Variants in L3MBTL4 observed in about 807,000 individuals in gnomAD.
L3MBTL4 encodes the protein lethal(3)malignant brain tumor-like protein 4.
A neutral mutation model predicts 84.5 loss-of-function variants in L3MBTL4; 70 were observed. The ratio of observed to expected loss-of-function variants is 0.83; its 90% CI spans 0.68 to 1.01. The LOEUF (loss-of-function observed/expected upper bound fraction) is 1.01. L3MBTL4 is among the 50% of genes least tolerant of loss of function. The pLI, the probability that L3MBTL4 is intolerant of heterozygous loss-of-function variation, is 0.00. For synonymous variants in L3MBTL4, 274 were observed against 259.8 expected (o/e 1.05, Z -0.52); for missense variants, 715 against 754.8 (o/e 0.95, Z 0.62).
intron 10 of L3MBTL4, among the ~76,000 whole-genome samples, chr18:6,228,556 T>C (rs573469471): frequency 2.6e-5 from 4 of 152,042 alleles, no homozygotes; most frequent in African/African-American, 9.6e-5. Context: ...ATAAGAAAAA[T>C]AATTCTTAAA....
intron 16 of L3MBTL4, among the ~76,000 whole-genome samples, chr18:6,065,034 A>AC (rs1206089277): frequency 1.3e-5 from 2 of 151,602 alleles, no homozygotes; most frequent in African/African-American, 4.8e-5. Flanking sequence ...TTCTATGTGT[A>AC]TTTTTTTGAG....
chr18:6,315,505 G>A (rs1360048199), intron 1 of L3MBTL4, among the ~76,000 whole-genome samples: 2 of 152,286 alleles, frequency 1.3e-5, no homozygotes, highest in East Asian at 3.9e-4. Context: ...GACAATATGT[G>A]TACCACTGTC....
chr18:6,203,105 G>C (rs1599133100), intron 12 of L3MBTL4, among the ~76,000 whole-genome samples: 1 of 152,280 alleles, frequency 6.6e-6, no homozygotes, highest in East Asian at 1.9e-4. Context: ...AAAGGCCCAG[G>C]ACCAATGCCT....
At chr18:6,137,453 C>A (rs1220042780) in intron 14 of L3MBTL4, among the ~76,000 whole-genome samples, 2 of 152,136 alleles carry the variant, frequency 1.3e-5, no homozygotes, top group African/African-American at 2.4e-5. Flanking sequence ...ATCCTTTATT[C>A]AAACAAATGT....
chr18:6,374,715 T>C (rs1385854486), intron 1 of L3MBTL4, among the ~76,000 whole-genome samples: 1 of 152,062 alleles, frequency 6.6e-6, no homozygotes, highest in Non-Finnish European at 1.5e-5. Flanking sequence ...GAAAACACGA[T>C]AGAACCAGTC....
chr18:6,219,490 CTCATTCT>C (rs2046460692), intron 10 of L3MBTL4, among the ~76,000 whole-genome samples: 1 of 141,424 alleles, frequency 7.1e-6, no homozygotes, highest in African/African-American at 2.5e-5. Flanking sequence ...CAGCTTGGAC[CTCATTCT>C]TTAGGTCCAA....
chr18:6,356,438 T>A (rs916129030), intron 1 of L3MBTL4, among the ~76,000 whole-genome samples: 4 of 152,256 alleles, frequency 2.6e-5, no homozygotes, highest in Admixed American at 2.6e-4. Context: ...TACAGTCATG[T>A]GTCACTTAAC....
rs79984241 is a variant in L3MBTL4, at chr18:6,190,984, G to A, written c.982-19042C>T. 4.1e-3 allele frequency among the ~76,000 whole-genome samples: 629 copies of A among 152,276 alleles called. 3 individuals carry two copies. Among genetic ancestry groups the A allele is most frequent in the African/African-American group, 0.014 (587 of 41,550 alleles). ...AGTAGACAGCACATGGGAAAAGGCG[G>A]TAAGAGTTAAGGTCAGAGGGGGAAC... On this transcript the variant is annotated intron_variant, in intron 12 of 18. Transcript: ENST00000317931.
At chr18:6,309,357 G>A (rs1005960611) in intron 3 of L3MBTL4, among the ~76,000 whole-genome samples, 1 of 152,172 alleles carries the variant, frequency 6.6e-6, no homozygotes, top group Non-Finnish European at 1.5e-5. Flanking sequence ...ACAGTGCAAC[G>A]TGGACTAAAT....
At chr18:6,063,299 C>CTCTGTGTG (rs1355960424) in intron 16 of L3MBTL4, among the ~76,000 whole-genome samples, 6 of 141,246 alleles carry the variant, frequency 4.2e-5, no homozygotes, top group African/African-American at 1.3e-4. Flanking sequence ...CTATAAATAT[C>CTCTGTGTG]TGTGTGTGTG....
chr18:6,244,927 A>G (rs967885873), intron 5 of L3MBTL4, among the ~76,000 whole-genome samples: 4 of 152,232 alleles, frequency 2.6e-5, no homozygotes, highest in Non-Finnish European at 4.4e-5. Context: ...CATAAATCAA[A>G]TAAGAATTTT....
intron 10 of L3MBTL4, among the ~76,000 whole-genome samples, chr18:6,233,813 C>A (rs1296372288): frequency 6.6e-6 from 1 of 152,176 alleles, no homozygotes; most frequent in Non-Finnish European, 1.5e-5. Flanking sequence ...TTGGGAAAAA[C>A]TACTTTAAGG....
At position 5,957,241 on chromosome 18, in the gene L3MBTL4, G is replaced by A. The variant is rs372254621; in HGVS notation, c.1678-854C>T. Among the ~76,000 whole-genome samples the A allele has an allele frequency of 4.6e-5, 7 of 151,306 alleles. No homozygotes were observed. The East Asian group carries it at 1.2e-3, about 25-fold the overall frequency. Reference sequence around the variant, plus strand: ...CACAGAATGATTCCTGGCTCCAGATGAACAAGATCTGGGGCTCTGATGTAT... The same window carrying A: ...CACAGAATGATTCCTGGCTCCAGATAAACAAGATCTGGGGCTCTGATGTAT... On this transcript the variant is annotated intron_variant, in intron 18 of 18. Coordinates refer to ENST00000317931, the MANE Select transcript of L3MBTL4 (RefSeq NM_001330559.2).
At position 6,399,221 on chromosome 18, in the gene L3MBTL4, C is replaced by T. The variant is rs1033878173; in HGVS notation, c.-91+15580G>A. ...TTGGAAGGCCGAGGAGGGGAGATCA[C>T]GAGGTCAGGCGTTCAAGACCAGCCT... On this transcript the variant is annotated intron_variant, in intron 1 of 18. Coordinates refer to ENST00000317931, the MANE Select transcript of L3MBTL4 (RefSeq NM_001330559.2). 4.6e-5 allele frequency among the ~76,000 whole-genome samples: 7 copies of T among 152,068 alleles called. 1 individual carries two copies. The highest frequency in any genetic ancestry group is 1.7e-4 in the African/African-American group (7 of 41,392).
intron 14 of L3MBTL4, among the ~76,000 whole-genome samples, chr18:6,113,173 T>C (rs1467839035): frequency 6.6e-6 from 1 of 151,860 alleles, no homozygotes; most frequent in Non-Finnish European, 1.5e-5. Flanking sequence ...AATATGAAAC[T>C]GGATATATTG....
chr18:6,400,514 A>T (rs1407471257), intron 1 of L3MBTL4, among the ~76,000 whole-genome samples: 1 of 152,100 alleles, frequency 6.6e-6, no homozygotes, highest in Non-Finnish European at 1.5e-5. Flanking sequence ...GGCTCAGATG[A>T]TCCTCCCACT....
chr18:5,988,375 G>A (rs2053553308), intron 16 of L3MBTL4, among the ~76,000 whole-genome samples: 1 of 152,134 alleles, frequency 6.6e-6, no homozygotes, highest in Non-Finnish European at 1.5e-5. Flanking sequence ...GAGGGGCCCT[G>A]TATGATATAT....
chr18:6,172,050 G>T, intron 12 of L3MBTL4, 108 bp from the exon 13 acceptor site: 1 of 559,748 alleles, frequency 1.8e-6, no homozygotes, highest in Non-Finnish European at 3.2e-6. Context: ...AAATTTTATT[G>T]ATCACACCTT....
intron 12 of L3MBTL4, among the ~76,000 whole-genome samples, chr18:6,196,196 T>G (rs150029014): frequency 2.0e-5 from 3 of 147,486 alleles, no homozygotes; most frequent in South Asian, 2.1e-4. Flanking sequence ...CTCGCTCTGT[T>G]GCCCAGGCTG....
Sources: allele counts gnomAD v4.1 joint callset (sites outside exome capture counted in the v4.1 genomes callset), GRCh38; gene constraint gnomAD v4.1.1; transcripts MANE v1.5; gene names NCBI Gene and HGNC (gene_info 2026-07-23, HGNC 2026-07-21).